PPP2R5A: variants seen among roughly 807,000 people sequenced by gnomAD.
PPP2R5A encodes protein phosphatase 2 regulatory subunit B'alpha.
In PPP2R5A, 25 loss-of-function variants were observed where a neutral mutation model predicts 64.2. The ratio of observed to expected loss-of-function variants is 0.39; its 90% CI spans 0.28 to 0.54. PPP2R5A has a LOEUF of 0.54. Among genes scored for constraint, PPP2R5A ranks in the 20% least tolerant of loss-of-function variants. PPP2R5A has a pLI of 0.67. For synonymous variants in PPP2R5A, 198 were observed against 201.2 expected, an observed-to-expected ratio of 0.98 and a Z score of 0.13; for missense variants, 425 against 576.3, an observed-to-expected ratio of 0.74 and a Z score of 2.69.
intron 8 of PPP2R5A, among the ~76,000 whole-genome samples, chr1:212,355,369 A>C (rs1659960676): frequency 6.6e-6 from 1 of 152,100 alleles, no homozygotes; most frequent in African/African-American, 2.4e-5. Context: ...ATTATTCATC[A>C]CATTGTTATC....
At chr1:212,353,597 T>A (rs1329193266) in intron 8 of PPP2R5A, among the ~76,000 whole-genome samples, 1 of 152,190 alleles carries the variant, frequency 6.6e-6, no homozygotes, top group Non-Finnish European at 1.5e-5. Context: ...ATCTAGATAC[T>A]CATATATATC....
In PPP2R5A at chr1:212,314,860, C is replaced by G. The variant is rs536131797; in HGVS notation, c.182-14275C>G. ...TACAGGCATGAGCCACTGTGCCCAG[C>G]CAAGTGTAGCTAAATTTTAAATTTT... is the stretch of plus-strand genomic sequence containing the variant. On this transcript the variant is annotated intron_variant, in intron 1 of 12. Transcript: ENST00000261461. 3.2e-4 allele frequency among the ~76,000 whole-genome samples: 49 copies of G among 152,166 alleles called. 2 individuals carry two copies. In the Middle Eastern group the frequency reaches 0.01, roughly 32 times the overall value.
chr1:212,292,211 T>A (rs1398290543), intron 1 of PPP2R5A, among the ~76,000 whole-genome samples: 1 of 152,238 alleles, frequency 6.6e-6, no homozygotes, highest in Non-Finnish European at 1.5e-5. Context: ...AACTCAGGGC[T>A]GCTTATATTC....
At chr1:212,356,897 A>AT (rs1331068552) in intron 9 of PPP2R5A, 53 bp from the exon 10 acceptor site, 1 of 1,412,444 alleles carries the variant, frequency 7.1e-7, no homozygotes, top group Admixed American at 2.5e-5. Flanking sequence ...TGGTTTCTAT[A>AT]TTAGTTTCAC....
intron 12 of PPP2R5A, among the ~76,000 whole-genome samples, chr1:212,360,369 A>ATAAAG (rs1660058104): frequency 6.6e-6 from 1 of 152,222 alleles, no homozygotes; most frequent in African/African-American, 2.4e-5. Context: ...TTTGTTGACT[A>ATAAAG]TAAAGTACAG....
At chr1:212,295,660 G>A (rs1245425077) in intron 1 of PPP2R5A, among the ~76,000 whole-genome samples, 1 of 152,152 alleles carries the variant, frequency 6.6e-6, no homozygotes, top group African/African-American at 2.4e-5. Flanking sequence ...AAAGAAGACA[G>A]GAGAGAGTGG....
intron 1 of PPP2R5A, among the ~76,000 whole-genome samples, chr1:212,291,246 A>G (rs1353146562): frequency 6.6e-6 from 1 of 151,982 alleles, no homozygotes; most frequent in African/African-American, 2.4e-5. Flanking sequence ...TGCCAAGCTA[A>G]TTTTTGTATT....
Position 212,342,183 on chromosome 1 carries a change from C to T in PPP2R5A, c.481-5C>T, listed in dbSNP as rs1421433434. On this transcript the variant is annotated splice_region_variant and splice_polypyrimidine_tract_variant and intron_variant, in intron 3 of 12. Transcript: ENST00000261461. ...TCTTAGCCTTTATTTGACTTTCTCT[C>T]ATAGTTGGTATATGAATTCTTCTTG... is the stretch of plus-strand genomic sequence containing the variant. 1 of 1,612,424 alleles carries T rather than the reference C, an allele frequency of 6.2e-7. No individual in the cohort carries two copies. Among genetic ancestry groups the T allele is most frequent in the South Asian group, 1.1e-5 (1 of 90,842 alleles).
chr1:212,331,789 T>C (rs745618189), intron 2 of PPP2R5A: 31 of 152,200 alleles, frequency 2.0e-4, no homozygotes, highest in Non-Finnish European at 4.0e-4. Flanking sequence ...TTTAATTTCT[T>C]TGCCCAAGTA....
intron 8 of PPP2R5A, among the ~76,000 whole-genome samples, chr1:212,353,891 T>C (rs757457838): frequency 5.3e-5 from 8 of 152,136 alleles, no homozygotes; most frequent in Admixed American, 1.3e-4. Context: ...TTTCGTTTAA[T>C]AACAGGCTAC....
intron 8 of PPP2R5A, chr1:212,352,743 C>A: frequency 1.9e-6 from 1 of 515,526 alleles, no homozygotes; most frequent in Non-Finnish European, 3.9e-6. Flanking sequence ...AGCCACCATG[C>A]CTGGCCTGCA....
intron 3 of PPP2R5A, among the ~76,000 whole-genome samples, chr1:212,339,343 A>G (rs1659645810): frequency 6.6e-6 from 1 of 151,880 alleles, no homozygotes; most frequent in South Asian, 2.1e-4. Context: ...ATGTCTGGCT[A>G]ATTTTGTATT....
At chr1:212,324,416 A>G (rs1369927423) in intron 1 of PPP2R5A, among the ~76,000 whole-genome samples, 1 of 152,146 alleles carries the variant, frequency 6.6e-6, no homozygotes, top group Admixed American at 6.5e-5. Flanking sequence ...GTATTTTCCA[A>G]TCCTGAAAGT....
intron 1 of PPP2R5A, 148 bp downstream of exon 1, chr1:212,286,439 A>G: frequency 1.2e-6 from 1 of 857,546 alleles, no homozygotes; most frequent in Non-Finnish European, 1.6e-6. Flanking sequence ...CCTTGGCGTC[A>G]CCTCACGCCC....
intron 1 of PPP2R5A, among the ~76,000 whole-genome samples, chr1:212,309,735 A>G (rs887179210): frequency 2.0e-5 from 3 of 152,132 alleles, no homozygotes; most frequent in African/African-American, 4.8e-5. Flanking sequence ...CAGGTATCCA[A>G]CCTTTTGGCT....
intron 1 of PPP2R5A, among the ~76,000 whole-genome samples, chr1:212,289,658 A>G (rs1658567032): frequency 6.6e-6 from 1 of 152,272 alleles, no homozygotes; most frequent in South Asian, 2.1e-4. Flanking sequence ...AAATCTCCCC[A>G]GGCCTGTGGG....
intron 1 of PPP2R5A, among the ~76,000 whole-genome samples, chr1:212,324,116 T>G (rs185081889): frequency 1.3e-5 from 2 of 152,084 alleles, no homozygotes; most frequent in African/African-American, 4.8e-5. Flanking sequence ...CTACTACGAT[T>G]ATGCTTAACG....
At chr1:212,289,877 G>C (rs1455380161) in intron 1 of PPP2R5A, among the ~76,000 whole-genome samples, 1 of 152,148 alleles carries the variant, frequency 6.6e-6, no homozygotes, top group Non-Finnish European at 1.5e-5. Flanking sequence ...CTGAAGTGCA[G>C]CTGCAACATC....
intron 3 of PPP2R5A, among the ~76,000 whole-genome samples, chr1:212,341,820 G>C (rs778318370): frequency 6.6e-6 from 1 of 152,084 alleles, no homozygotes; most frequent in African/African-American, 2.4e-5. Context: ...GCTAACTGCA[G>C]CCTTGACCTC....
Sources: allele counts gnomAD v4.1 joint callset (sites outside exome capture counted in the v4.1 genomes callset), GRCh38; gene constraint gnomAD v4.1.1; transcripts MANE v1.5; gene names NCBI Gene and HGNC (gene_info 2026-07-23, HGNC 2026-07-21).